TAFA2: variants seen among roughly 807,000 people sequenced by gnomAD.
TAFA2 encodes TAFA chemokine like family member 2, also known as chemokine-like protein TAFA-2.
Under a neutral mutation model 18.8 loss-of-function variants are expected in TAFA2, and 7 were observed. The ratio of observed to expected loss-of-function variants is 0.37; its 90% CI spans 0.21 to 0.70. TAFA2 has a LOEUF of 0.70. Ranked by LOEUF, TAFA2 falls within the 30% of genes least tolerant of loss-of-function variation. TAFA2 has a pLI of 0.53. For missense variants in TAFA2, 122 were observed against 158.1 expected, an observed-to-expected ratio of 0.77 and a Z score of 1.23; for synonymous variants, 60 against 54.2, an observed-to-expected ratio of 1.11 and a Z score of -0.47.
At chr12:62,003,090 T>A (rs1880433006) in intron 1 of TAFA2, among the ~76,000 whole-genome samples, 1 of 152,112 alleles carries the variant, frequency 6.6e-6, no homozygotes, top group South Asian at 2.1e-4. Context: ...ACCACCATCA[T>A]CTCTCACCTG....
chr12:62,221,669 G>A (rs188669031), intron 1 of TAFA2, among the ~76,000 whole-genome samples: 10 of 152,256 alleles, frequency 6.6e-5, no homozygotes, highest in African/African-American at 1.9e-4. Context: ...ATTGATTCAT[G>A]AGAATCAATT....
At chr12:61,850,230 G>GA (rs1873586040) in intron 2 of TAFA2, among the ~76,000 whole-genome samples, 3 of 151,230 alleles carry the variant, frequency 2.0e-5, no homozygotes, top group East Asian at 1.9e-4. Flanking sequence ...GGGCAAAATT[G>GA]AAAAAAAAGA....
chr12:62,072,935 G>A (rs1882670032), intron 1 of TAFA2, among the ~76,000 whole-genome samples: 1 of 152,174 alleles, frequency 6.6e-6, no homozygotes. Flanking sequence ...AATGAGAACT[G>A]TTTAGTTAGC....
chr12:62,168,901 C>G (rs1217807566), intron 1 of TAFA2, among the ~76,000 whole-genome samples: 1 of 150,868 alleles, frequency 6.6e-6, no homozygotes, highest in Non-Finnish European at 1.5e-5. Context: ...TCTTTTGGAC[C>G]CTAATTGAAA....
intron 4 of TAFA2, among the ~76,000 whole-genome samples, chr12:61,736,791 A>C (rs1868311415): frequency 6.6e-6 from 1 of 152,042 alleles, no homozygotes; most frequent in Non-Finnish European, 1.5e-5. Context: ...TAAAGTCTTC[A>C]GGCTGTGAAT....
At chr12:61,772,623 C>T (rs1289227421) in intron 2 of TAFA2, among the ~76,000 whole-genome samples, 2 of 151,890 alleles carry the variant, frequency 1.3e-5, no homozygotes, top group East Asian at 3.9e-4. Context: ...ATAATCATCG[C>T]AATAGATTCA....
intron 1 of TAFA2, among the ~76,000 whole-genome samples, chr12:61,941,150 C>A (rs1877988076): frequency 6.6e-6 from 1 of 151,954 alleles, no homozygotes; most frequent in Admixed American, 6.6e-5. Flanking sequence ...AGACTCTGAA[C>A]TAGATATATT....
chr12:61,987,807 A>G (rs995717138), intron 1 of TAFA2, among the ~76,000 whole-genome samples: 2 of 152,212 alleles, frequency 1.3e-5, no homozygotes, highest in African/African-American at 4.8e-5. Flanking sequence ...ATGTTGCCCC[A>G]TAACAGAGTG....
At chr12:61,826,138 C>A (rs1872528967) in intron 2 of TAFA2, among the ~76,000 whole-genome samples, 1 of 152,046 alleles carries the variant, frequency 6.6e-6, no homozygotes. Context: ...TGAGTGTGAG[C>A]TGCCAACAAG....
chr12:61,899,881 T>C (rs1245125745), intron 1 of TAFA2, among the ~76,000 whole-genome samples: 4 of 152,228 alleles, frequency 2.6e-5, no homozygotes, highest in African/African-American at 7.2e-5. Context: ...AGATGATTTA[T>C]AGTACACAAG....
At chr12:62,104,238 G>C (rs1170125193) in intron 1 of TAFA2, among the ~76,000 whole-genome samples, 1 of 150,778 alleles carries the variant, frequency 6.6e-6, no homozygotes, top group Admixed American at 6.6e-5. Flanking sequence ...CTTCACAATA[G>C]CTTTCACAGT....
chr12:62,087,393 G>T (rs1300355653), intron 1 of TAFA2, among the ~76,000 whole-genome samples: 1 of 152,128 alleles, frequency 6.6e-6, no homozygotes. Context: ...ATCACTGAAA[G>T]TGACTGGAAG....
chr12:62,170,793 T>C (rs953666021), intron 1 of TAFA2, among the ~76,000 whole-genome samples: 2 of 152,178 alleles, frequency 1.3e-5, no homozygotes, highest in African/African-American at 4.8e-5. Flanking sequence ...CCTCCATCCT[T>C]TCTAGCCTCC....
At chr12:61,797,413 A>G (rs1357625657) in intron 2 of TAFA2, among the ~76,000 whole-genome samples, 5 of 152,172 alleles carry the variant, frequency 3.3e-5, no homozygotes, top group Non-Finnish European at 7.3e-5. Context: ...CTAATGAGCC[A>G]GTGAAATTAA....
intron 1 of TAFA2, among the ~76,000 whole-genome samples, chr12:61,956,085 C>A (rs143208817): frequency 1.3e-5 from 2 of 152,048 alleles, no homozygotes; most frequent in Non-Finnish European, 2.9e-5. Context: ...TGTATGCATA[C>A]TAGCTAGATT....
At chr12:61,731,112 C>G (rs1004401376) in intron 4 of TAFA2, among the ~76,000 whole-genome samples, 1 of 152,040 alleles carries the variant, frequency 6.6e-6, no homozygotes, top group Non-Finnish European at 1.5e-5. Flanking sequence ...CAGGGTTCTT[C>G]CCACTGCTTC....
At chr12:62,086,481 C>T (rs760243169) in intron 1 of TAFA2, among the ~76,000 whole-genome samples, 1 of 151,990 alleles carries the variant, frequency 6.6e-6, no homozygotes, top group South Asian at 2.1e-4. Context: ...TAAAAACGGA[C>T]AAAGACTTGA....
At chr12:62,088,746 C>CATATT (rs1868572847) in intron 1 of TAFA2, among the ~76,000 whole-genome samples, 1 of 151,618 alleles carries the variant, frequency 6.6e-6, no homozygotes, top group African/African-American at 2.4e-5. Context: ...AACCAAGAAA[C>CATATT]ATATTTTTCT....
At chr12:61,805,468 C>T (rs1391235895) in intron 2 of TAFA2, among the ~76,000 whole-genome samples, 1 of 152,014 alleles carries the variant, frequency 6.6e-6, no homozygotes, top group Non-Finnish European at 1.5e-5. Flanking sequence ...CAAAAATGCA[C>T]TTAAAGTACA....
Sources: gnomAD v4.1 joint callset for allele counts (sites outside exome capture counted in the v4.1 genomes callset) on GRCh38, gnomAD v4.1.1 for gene constraint, MANE v1.5 for transcripts, NCBI Gene and HGNC (gene_info 2026-07-23, HGNC 2026-07-21) for gene names.